The following TBC1D2 variants were observed in gnomAD, a reference collection of about 807,000 sequenced individuals.
TBC1D2 encodes the protein TBC1 domain family member 2A.
TBC1D2 carries 58 observed loss-of-function variants against 91.1 expected under a neutral mutation model. The observed-to-expected ratio is 0.64, with a 90% CI of 0.52 to 0.79. TBC1D2 has a LOEUF of 0.79. TBC1D2 is among the 30% of genes least tolerant of loss of function. TBC1D2 has a pLI of 0.00. For missense variants in TBC1D2, 1,080 were observed against 1,208.3 expected, an observed-to-expected ratio of 0.89 and a Z score of 1.57; for synonymous variants, 482 against 511.5, an observed-to-expected ratio of 0.94 and a Z score of 0.78.
At chr9:98,253,181 G>A (rs1468248625) in intron 1 of TBC1D2, among the ~76,000 whole-genome samples, 1 of 152,098 alleles carries the variant, frequency 6.6e-6, no homozygotes, top group Non-Finnish European at 1.5e-5. Flanking sequence ...CATGGTCCCT[G>A]TCCCCTTGGA....
chr9:98,219,815 G>T (rs1829051784), intron 6 of TBC1D2, among the ~76,000 whole-genome samples: 1 of 152,164 alleles, frequency 6.6e-6, no homozygotes, highest in Admixed American at 6.5e-5. Context: ...CTGTTATATG[G>T]CATCTGACTG....
intron 3 of TBC1D2, among the ~76,000 whole-genome samples, chr9:98,242,086 G>A (rs891316691): frequency 2.6e-5 from 4 of 152,186 alleles, no homozygotes; most frequent in African/African-American, 9.7e-5. Context: ...CCTTATCAAA[G>A]TCCCGTGAGC....
Position 98,221,074 on chromosome 9 carries a change from G to A in TBC1D2, c.1133C>T (p.Ala378Val), listed in dbSNP as rs777237102. The change falls in exon 6 of 13, where the codon GCC becomes GTC. Residue 378 changes from alanine (A) to valine (V), a missense_variant. Physicochemically the swap from Ala to Val is moderately conservative, Grantham distance 64. Coordinates refer to ENST00000465784, the MANE Select transcript of TBC1D2 (RefSeq NM_001267571.2). Reference protein sequence around the residue: ...QIAELGRRVEALEQERESLAH... With the variant: ...QIAELGRRVEVLEQERESLAH... ...CAGGCTCTCCCGCTCCTGCTCCAGG[G>A]CCTCCACCCGCCGGCCCAGCTCCGC... 2 of 1,594,050 alleles carry A rather than the reference G, an allele frequency of 1.3e-6. No individual in the cohort carries two copies. Among genetic ancestry groups the A allele is most frequent in the South Asian group, 2.2e-5 (2 of 90,208 alleles).
intron 3 of TBC1D2, among the ~76,000 whole-genome samples, chr9:98,240,327 AC>A (rs1365138548): frequency 2.0e-5 from 3 of 152,146 alleles, no homozygotes; most frequent in Non-Finnish European, 2.9e-5. Context: ...CACTCCCAAT[AC>A]CTGATCTTTT....
chr9:98,203,929 C>T (rs937505364), intron 9 of TBC1D2, among the ~76,000 whole-genome samples: 1 of 152,176 alleles, frequency 6.6e-6, no homozygotes, highest in African/African-American at 2.4e-5. Context: ...TATCTATCCC[C>T]CCGGGGCCAA....
At chr9:98,235,502 A>G in intron 3 of TBC1D2, 2 of 446,680 alleles carry the variant, frequency 4.5e-6, no homozygotes, top group South Asian at 3.5e-5. Context: ...AATTTTTTGC[A>G]AAGAAAAGGA....
chr9:98,220,442 G>A (rs1829067559), intron 6 of TBC1D2, among the ~76,000 whole-genome samples: 1 of 152,192 alleles, frequency 6.6e-6, no homozygotes. Flanking sequence ...GACTGTGGGG[G>A]GAGGGTCGTG....
At chr9:98,233,609 C>A in intron 3 of TBC1D2, 60 bp from the exon 4 acceptor site, 1 of 1,587,500 alleles carries the variant, frequency 6.3e-7, no homozygotes, top group Non-Finnish European at 8.6e-7. Context: ...GCCCTTCTGT[C>A]CTTCCCGCCA....
Position 98,255,498 on chromosome 9 carries a change from G to A in TBC1D2, c.44C>T (p.Ala15Val). 1 of 1,557,656 alleles carries A rather than the reference G, an allele frequency of 6.4e-7. No homozygotes were observed. Among genetic ancestry groups the A allele is most frequent in the Non-Finnish European group, 8.7e-7 (1 of 1,149,962 alleles). Reference protein sequence around the residue: ...GENAPESSSSAPGSEESARDP... With the variant: ...GENAPESSSSVPGSEESARDP... ...CCTGGCAGACTCTTCGGACCCAGGG[G>A]CAGAGGAGCTGGACTCCGGGGCGTT... Residue 15 changes from alanine to valine, a missense_variant, in exon 1 of 13, where the codon GCC (alanine) becomes GTC (valine). Coordinates refer to ENST00000465784, the MANE Select transcript of TBC1D2 (RefSeq NM_001267571.2).
rs770029119 is a variant in TBC1D2, at chr9:98,220,846, A to G, written c.1361T>C (p.Ile454Thr). The change falls in exon 6 of 13, where the codon ATA becomes ACA. Residue 454 changes from isoleucine (I) to threonine (T), a missense_variant. Physicochemically the swap from Ile to Thr is moderately conservative, Grantham distance 89. Coordinates refer to ENST00000465784, the MANE Select transcript of TBC1D2 (RefSeq NM_001267571.2). ...NRDFLSQQGK[I>T]EHLKDDMEAY... The stretch of plus-strand genomic sequence containing the variant: ...GGAGGCCCCTACCTTCAGGTGCTCT[A>G]TCTTCCCCTGCTGGCTCAGGAAGTC... 4.3e-6 allele frequency: 7 copies of G among 1,613,992 alleles called. No individual in the cohort carries two copies. The Admixed American group carries it at 1.0e-4, about 23-fold the overall frequency.
chr9:98,210,851 C>G lies in TBC1D2; in HGVS notation c.1486-8G>C, dbSNP rs1564237895. ...GGCTTGGAGGTAGGCGCACTGCAAA[C>G]AGGGAAAGGCTGGTCAGGCTACCGG... On this transcript the variant is annotated splice_polypyrimidine_tract_variant and splice_region_variant and intron_variant, in intron 7 of 12. Coordinates refer to ENST00000465784, the MANE Select transcript of TBC1D2 (RefSeq NM_001267571.2). The G allele has an allele frequency of 6.5e-7, 1 of 1,549,486 alleles. No homozygotes were observed. Among genetic ancestry groups the G allele is most frequent in the East Asian group, 2.4e-5 (1 of 40,880 alleles).
At position 98,235,211 on chromosome 9, in the gene TBC1D2, A is replaced by AG. The variant is rs961188814; in HGVS notation, c.648-1663_648-1662insC. 2.5e-4 allele frequency: 74 copies of AG among 290,896 alleles called. 2 individuals are homozygous for AG. The highest frequency in any genetic ancestry group is 8.2e-5 in the Non-Finnish European group (12 of 146,042). 18.0% of individuals were successfully genotyped at this position (290,896 alleles called of 1,614,324 possible). Reference sequence around the variant, plus strand: ...AGAGCGAGACTCCATTTCAAAAAAAAAAAAGATCTGGGACATAGGAGGACA... The same window carrying AG: ...AGAGCGAGACTCCATTTCAAAAAAAAGAAAAGATCTGGGACATAGGAGGACA... On this transcript the variant is annotated intron_variant, in intron 3 of 12. Transcript: ENST00000465784.
chr9:98,237,534 T>C (rs887614973), intron 3 of TBC1D2, among the ~76,000 whole-genome samples: 1 of 150,258 alleles, frequency 6.7e-6, no homozygotes, highest in Admixed American at 6.6e-5. Flanking sequence ...TGAGATAGAG[T>C]CTTGCTCTGT....
At chr9:98,229,206 T>C in intron 4 of TBC1D2, 58 bp from the exon 5 acceptor site, 2 of 1,548,276 alleles carry the variant, frequency 1.3e-6, no homozygotes, top group Non-Finnish European at 1.8e-6. Context: ...TTCTCAAACC[T>C]GAGCTTGCTT....
chr9:98,247,804 G>A (rs755256287), intron 2 of TBC1D2, among the ~76,000 whole-genome samples: 11 of 149,426 alleles, frequency 7.4e-5, no homozygotes, highest in Non-Finnish European at 1.2e-4. Context: ...CTTTAAGCCA[G>A]ACTCTGAACT....
chr9:98,199,664 A>G lies in TBC1D2; in HGVS notation c.2580-76T>C, dbSNP rs896813701. 8.1e-6 allele frequency: 12 copies of G among 1,486,650 alleles called. No individual in the cohort carries two copies. In the African/African-American group the frequency reaches 1.5e-4, roughly 19 times the overall value. The allele number at this position is 1,486,650 out of a possible 1,614,324, so 92.1% of individuals were successfully genotyped here. Reference sequence around the variant, plus strand: ...GTTTACCCGGCTCTCCCAGACAGACATCCCCGCATTCCTTCTGCCTTTGTG... The same window carrying G: ...GTTTACCCGGCTCTCCCAGACAGACGTCCCCGCATTCCTTCTGCCTTTGTG... On this transcript the variant is annotated intron_variant, in intron 12 of 12. Coordinates refer to ENST00000465784, the MANE Select transcript of TBC1D2 (RefSeq NM_001267571.2).
At chr9:98,220,458 C>T (rs986515212) in intron 6 of TBC1D2, among the ~76,000 whole-genome samples, 3 of 152,072 alleles carry the variant, frequency 2.0e-5, no homozygotes, top group Non-Finnish European at 4.4e-5. Flanking sequence ...TCGTGCTGGC[C>T]CCTTAGGGCT....
chr9:98,229,647 C>T (rs551952873), intron 4 of TBC1D2, among the ~76,000 whole-genome samples: 1 of 152,358 alleles, frequency 6.6e-6, no homozygotes, highest in African/African-American at 2.4e-5. Context: ...CATTCTTGCT[C>T]CAGAGAGCAG....
chr9:98,243,787 T>C (rs962255036), intron 3 of TBC1D2, among the ~76,000 whole-genome samples: 1 of 152,200 alleles, frequency 6.6e-6, no homozygotes, highest in Non-Finnish European at 1.5e-5. Flanking sequence ...TCCGCCCACC[T>C]CGGCCTCCCA....
Sources: allele counts gnomAD v4.1 joint callset (sites outside exome capture counted in the v4.1 genomes callset), GRCh38; gene constraint gnomAD v4.1.1; transcripts MANE v1.5; gene names NCBI Gene and HGNC (gene_info 2026-07-23, HGNC 2026-07-21).